IQCM: variants seen among roughly 807,000 people sequenced by gnomAD.
IQCM encodes IQ motif containing M, also known as IQ domain-containing protein M.
IQCM carries 45 observed loss-of-function variants against 57.6 expected under a neutral mutation model. That is an observed-to-expected ratio of 0.78 (90% CI 0.62 to 1.00). The LOEUF is 1.00. Among genes scored for constraint, IQCM ranks in the 50% least tolerant of loss-of-function variants. The pLI, the probability that IQCM is intolerant of heterozygous loss-of-function variation, is 0.00. For synonymous variants in IQCM, 148 were observed against 158.9 expected (o/e 0.93, Z 0.51); for missense variants, 468 against 511.6 (o/e 0.91, Z 0.82).
chr4:149,595,322 A>G (rs1021137294), intron 8 of IQCM, among the ~76,000 whole-genome samples: 4 of 151,718 alleles, frequency 2.6e-5, no homozygotes, highest in African/African-American at 9.7e-5. Flanking sequence ...ATCTTCCTCC[A>G]TCCCTTTATT....
At chr4:149,719,344 T>TAAAAAAAAAAAAAA (rs763244074) in intron 5 of IQCM, among the ~76,000 whole-genome samples, 2 of 124,370 alleles carry the variant, frequency 1.6e-5, no homozygotes, top group Non-Finnish European at 1.7e-5. Flanking sequence ...AAGTCAGTCT[T>TAAAAAAAAAAAAAA]AAAAAAAAAA....
chr4:149,614,018 C>T (rs1029178928), intron 8 of IQCM, among the ~76,000 whole-genome samples: 4 of 152,110 alleles, frequency 2.6e-5, no homozygotes, highest in East Asian at 1.9e-4. Context: ...TATGTTTCTA[C>T]AAAACGAATG....
intron 13 of IQCM, among the ~76,000 whole-genome samples, chr4:149,370,477 C>T (rs1304257323): frequency 6.6e-6 from 1 of 151,944 alleles, no homozygotes; most frequent in Non-Finnish European, 1.5e-5. Flanking sequence ...CTCCTCCGCC[C>T]AGAGGACCAA....
chr4:149,634,360 G>A (rs1339867407), intron 7 of IQCM, among the ~76,000 whole-genome samples: 1 of 152,154 alleles, frequency 6.6e-6, no homozygotes, highest in Non-Finnish European at 1.5e-5. Flanking sequence ...CATGGAGAAT[G>A]AGAACTGCTA....
intron 9 of IQCM, among the ~76,000 whole-genome samples, chr4:149,585,751 A>G (rs1752592980): frequency 6.6e-6 from 1 of 151,712 alleles, no homozygotes; most frequent in East Asian, 1.9e-4. Context: ...GACTAAGAAT[A>G]TCACTATGCT....
At chr4:149,556,845 C>CCT (rs914521057) in intron 10 of IQCM, among the ~76,000 whole-genome samples, 3 of 152,060 alleles carry the variant, frequency 2.0e-5, no homozygotes, top group African/African-American at 4.8e-5. Flanking sequence ...TTCCTCTTGC[C>CCT]CTCTTTCAGG....
rs36195592 is a variant in IQCM at position 149,355,929 on chromosome 4, C to T, written c.1391-3863G>A. Among the ~76,000 whole-genome samples the T allele has an allele frequency of 3.8e-3, 582 of 152,068 alleles. 1 individual carries two copies. Among genetic ancestry groups the T allele is most frequent in the Non-Finnish European group, 5.5e-3 (372 of 67,986 alleles). On this transcript the variant is annotated intron_variant, in intron 13 of 13. Coordinates refer to ENST00000636793, the MANE Select transcript of IQCM (RefSeq NM_001363507.2). ...TGTTGTTTCCTGACTTTTTAATGAT[C>T]GCCATTCTAACTGGTGTGAGATGGT...
At chr4:149,577,423 T>C (rs375889225) in intron 9 of IQCM, among the ~76,000 whole-genome samples, 1 of 151,802 alleles carries the variant, frequency 6.6e-6, no homozygotes, top group East Asian at 1.9e-4. Context: ...ATGAAAGGAA[T>C]GATCCAGTTT....
chr4:149,356,142 T>C (rs527674614), intron 13 of IQCM, among the ~76,000 whole-genome samples: 2 of 152,356 alleles, frequency 1.3e-5, no homozygotes, highest in African/African-American at 4.8e-5. Flanking sequence ...TTCTGGATAT[T>C]AGCCGTTTGT....
intron 8 of IQCM, among the ~76,000 whole-genome samples, chr4:149,595,203 T>A (rs1187667048): frequency 6.6e-6 from 1 of 152,180 alleles, no homozygotes; most frequent in Non-Finnish European, 1.5e-5. Flanking sequence ...CCTTTACCAT[T>A]ATGTAATGGC....
intron 12 of IQCM, among the ~76,000 whole-genome samples, chr4:149,484,983 T>A (rs1476383401): frequency 6.6e-6 from 1 of 152,080 alleles, no homozygotes; most frequent in Non-Finnish European, 1.5e-5. Flanking sequence ...GGGTAAAAGT[T>A]TTTTGTTTCT....
chr4:149,571,732 A>G (rs1376725182), intron 9 of IQCM, among the ~76,000 whole-genome samples: 2 of 152,106 alleles, frequency 1.3e-5, no homozygotes, highest in Non-Finnish European at 2.9e-5. Flanking sequence ...TCGAAGCATC[A>G]TGTTGTACAC....
chr4:149,435,586 A>AG (rs1389591788), intron 12 of IQCM, among the ~76,000 whole-genome samples: 1 of 151,640 alleles, frequency 6.6e-6, no homozygotes, highest in Non-Finnish European at 1.5e-5. Flanking sequence ...AAAAAAAAAA[A>AG]CAGTAAAACA....
rs536641759 is a variant in IQCM at position 149,537,213 on chromosome 4, T to C, written c.1228+11242A>G. Among the ~76,000 whole-genome samples, 237 of 151,880 alleles carry C rather than the reference T, an allele frequency of 1.6e-3. 1 individual carries two copies. The highest frequency in any genetic ancestry group is 5.5e-3 in the African/African-American group (230 of 41,522). On this transcript the variant is annotated intron_variant, in intron 12 of 13. Transcript: ENST00000636793. The stretch of plus-strand genomic sequence containing the variant: ...GTTCAAATAATTATTATACATTATA[T>C]TTAAAGAATTAAAGAAAAATGTGAT...
At chr4:149,758,658 G>T (rs1769215490) in intron 2 of IQCM, among the ~76,000 whole-genome samples, 1 of 150,290 alleles carries the variant, frequency 6.7e-6, no homozygotes, top group Non-Finnish European at 1.5e-5. Context: ...CTTTTAAATG[G>T]GCCAAATATT....
intron 7 of IQCM, among the ~76,000 whole-genome samples, chr4:149,647,155 T>G (rs545234614): frequency 2.0e-5 from 3 of 152,180 alleles, no homozygotes; most frequent in African/African-American, 7.2e-5. Context: ...AGTGATATTG[T>G]AGATACTAAA....
intron 7 of IQCM, among the ~76,000 whole-genome samples, chr4:149,647,233 T>G (rs1758723658): frequency 1.3e-5 from 2 of 152,216 alleles, no homozygotes; most frequent in African/African-American, 4.8e-5. Flanking sequence ...ATACCTTAAC[T>G]TATATGTTAA....
At chr4:149,457,983 C>T (rs992497835) in intron 12 of IQCM, among the ~76,000 whole-genome samples, 1 of 151,752 alleles carries the variant, frequency 6.6e-6, no homozygotes, top group African/African-American at 2.4e-5. Context: ...AGGGGTGATG[C>T]TTTGTTGAAC....
intron 8 of IQCM, among the ~76,000 whole-genome samples, chr4:149,601,915 G>A (rs759983954): frequency 6.6e-5 from 10 of 151,734 alleles, no homozygotes; most frequent in Non-Finnish European, 1.5e-4. Flanking sequence ...TTAGTCAGGC[G>A]TGGTGGCTGT....
Sources: allele counts gnomAD v4.1 joint callset (sites outside exome capture counted in the v4.1 genomes callset), GRCh38; gene constraint gnomAD v4.1.1; transcripts MANE v1.5; gene names NCBI Gene and HGNC (gene_info 2026-07-23, HGNC 2026-07-21).